CDH15: variants seen among roughly 807,000 people sequenced by gnomAD.
CDH15 encodes cadherin-15.
Under a neutral mutation model 69.4 loss-of-function variants are expected in CDH15, and 73 were observed. That is an observed-to-expected ratio of 1.05 (90% CI 0.87 to 1.28). The LOEUF (loss-of-function observed/expected upper bound fraction) is 1.28. Ranked by LOEUF, CDH15 falls within the 50% of genes most tolerant of loss-of-function variation. The probability of loss-of-function intolerance (pLI) is 0.00; values close to 1 mark genes in which losing one functional copy is unlikely to be tolerated. For missense variants in CDH15, 1,343 were observed against 1,133.6 expected, an observed-to-expected ratio of 1.18 and a Z score of -2.65; for synonymous variants, 624 against 507.7, an observed-to-expected ratio of 1.23 and a Z score of -3.08.
chr16:89,184,552 G>A (rs1164004179), intron 4 of CDH15, among the ~76,000 whole-genome samples: 4 of 152,346 alleles, frequency 2.6e-5, no homozygotes, highest in Middle Eastern at 3.4e-3. Flanking sequence ...GTCACAGTGC[G>A]CGTCCTCTGC....
At chr16:89,175,352 T>G (rs779517503) in intron 1 of CDH15, among the ~76,000 whole-genome samples, 15 of 152,342 alleles carry the variant, frequency 9.8e-5, no homozygotes, top group Non-Finnish European at 1.8e-4. Context: ...CCCTGCCCCA[T>G]GCCCATGCCT....
intron 1 of CDH15, among the ~76,000 whole-genome samples, chr16:89,175,752 C>G (rs1438847991): frequency 6.6e-6 from 1 of 152,206 alleles, no homozygotes; most frequent in African/African-American, 2.4e-5. Context: ...CATCTGTCAG[C>G]TGGCAGAGAG....
chr16:89,183,348 G>A (rs1915417136), intron 3 of CDH15, 200 bp from the exon 4 acceptor site: 11 of 611,142 alleles, frequency 1.8e-5, no homozygotes, highest in Non-Finnish European at 3.2e-5. Context: ...TGCCCTGTCT[G>A]CTAAGGGAAG....
At chr16:89,189,626 A>G (rs923425013) in intron 7 of CDH15, among the ~76,000 whole-genome samples, 2 of 152,218 alleles carry the variant, frequency 1.3e-5, no homozygotes, top group Non-Finnish European at 2.9e-5. Context: ...TCCTCCTTTC[A>G]TATGGAATCC....
chr16:89,189,503 G>T lies in CDH15; in HGVS notation c.979-740G>T, dbSNP rs576895886. ...TGTTCGTCCTTGGGTGAGAGAGAGT[G>T]GGGGAGGGCATGGAGCCCCCCAGCC... On this transcript the variant is annotated intron_variant, in intron 7 of 13. Transcript: ENST00000289746. Among the ~76,000 whole-genome samples the T allele has an allele frequency of 3.9e-5, 6 of 152,344 alleles. No individual in the cohort carries two copies. The East Asian group carries it at 7.7e-4, about 20-fold the overall frequency.
In CDH15 at chr16:89,191,649, C is replaced by G; in HGVS notation, c.1376-6C>G. On this transcript the variant is annotated splice_region_variant and splice_polypyrimidine_tract_variant and intron_variant, in intron 9 of 13. Transcript: ENST00000289746. ...GGTCACTAAGCCGCGGCCTCCTCGC[C>G]TGCAGCCTCCCAGCCCCGCACCGCC... The G allele has an allele frequency of 6.3e-7, 1 of 1,581,756 alleles. No individual in the cohort carries two copies. Among genetic ancestry groups the G allele is most frequent in the South Asian group, 1.1e-5 (1 of 88,752 alleles).
chr16:89,178,277 G>A (rs1176023222), intron 1 of CDH15, among the ~76,000 whole-genome samples: 3 of 152,078 alleles, frequency 2.0e-5, no homozygotes, highest in Non-Finnish European at 4.4e-5. Context: ...GAGTAGGGTG[G>A]GGTGCACAGC....
intron 3 of CDH15, among the ~76,000 whole-genome samples, chr16:89,181,680 C>T (rs58125965): frequency 0.014 from 2,113 of 151,960 alleles, 70 homozygotes; most frequent in East Asian, 0.13. Flanking sequence ...TGGCTCACGC[C>T]TGTAATCCCA....
At chr16:89,171,915 G>A in intron 1 of CDH15, 42 bp downstream of exon 1, 1 of 1,526,054 alleles carries the variant, frequency 6.6e-7, no homozygotes, top group Non-Finnish European at 8.8e-7. Context: ...TGCCTCCCTC[G>A]ACGCTGCGGG....
At position 89,179,539 on chromosome 16, in the gene CDH15, G is replaced by A. The variant is rs1225546069; in HGVS notation, c.166G>A (p.Glu56Lys). 3 of 1,610,196 alleles carry A rather than the reference G, an allele frequency of 1.9e-6. No homozygotes were observed. Among genetic ancestry groups the A allele is most frequent in the Non-Finnish European group, 2.5e-6 (3 of 1,177,884 alleles). Residue 56 changes from glutamate to lysine, a missense_variant, in exon 2 of 14, where the codon GAG becomes AAG. By Grantham distance (56) the Glu-to-Lys change is moderately conservative. Transcript: ENST00000289746. ...AWVIPPISVSENHKRLPYPLV... is the reference protein window; with the variant it reads ...AWVIPPISVSKNHKRLPYPLV... ...GGTCATCCCCCCGATCAGCGTATCCGAGAACCACAAGCGTCTCCCCTACCC... is the reference window on the plus strand; with the variant it reads ...GGTCATCCCCCCGATCAGCGTATCCAAGAACCACAAGCGTCTCCCCTACCC...
At chr16:89,177,187 G>A (rs1407690101) in intron 1 of CDH15, among the ~76,000 whole-genome samples, 2 of 152,050 alleles carry the variant, frequency 1.3e-5, no homozygotes, top group East Asian at 1.9e-4. Flanking sequence ...CCGGTGGGGG[G>A]CGGGAAGGGC....
At position 89,195,238 on chromosome 16, in the gene CDH15, C is replaced by G. The variant is rs759711205; in HGVS notation, c.*83C>G. On this transcript the variant is annotated 3_prime_UTR_variant, in exon 14 of 14. Transcript: ENST00000289746. ...AGAGGCAGCCTGAGGTCACCGGGCC[C>G]GACCCCCCTGGGCCTGGGGCAGCCT... 2.1e-6 allele frequency: 3 copies of G among 1,397,914 alleles called. No homozygotes were observed. The East Asian group carries it at 7.5e-5, about 35-fold the overall frequency. The allele number at this position is 1,397,914 out of a possible 1,614,324, so 86.6% of individuals were successfully genotyped here.
intron 3 of CDH15, 105 bp downstream of exon 3, chr16:89,180,460 GC>G: frequency 7.6e-7 from 1 of 1,307,518 alleles, no homozygotes; most frequent in Non-Finnish European, 1.1e-6. Flanking sequence ...TGGGCTTCAG[GC>G]CAGACTGCAA....
At chr16:89,177,729 C>A (rs950734744) in intron 1 of CDH15, among the ~76,000 whole-genome samples, 4 of 152,212 alleles carry the variant, frequency 2.6e-5, no homozygotes, top group Non-Finnish European at 5.9e-5. Flanking sequence ...ATCAGCCTGA[C>A]CGGGGAGCTC....
chr16:89,180,723 GT>G (rs1425364944), intron 3 of CDH15, among the ~76,000 whole-genome samples: 10 of 152,114 alleles, frequency 6.6e-5, no homozygotes, highest in Admixed American at 3.9e-4. Flanking sequence ...AAATAGTGTT[GT>G]TTTTGTTTTT....
rs553023012 is a variant in CDH15 at position 89,185,416 on chromosome 16, A to G, written c.663+83A>G. On this transcript the variant is annotated intron_variant, in intron 5 of 13. Coordinates refer to ENST00000289746, the MANE Select transcript of CDH15 (RefSeq NM_004933.3). The stretch of plus-strand genomic sequence containing the variant: ...GGGTCCCTCTGCCCCCAGCCTGCCC[A>G]CCCCAGACGCTCCTGTCCCTGCCGT... 176 of 1,437,744 alleles carry G rather than the reference A, an allele frequency of 1.2e-4. 2 individuals are homozygous for G. In the South Asian group the frequency reaches 2.1e-3, roughly 17 times the overall value. The allele number at this position is 1,437,744 out of a possible 1,614,324, so 89.1% of individuals were successfully genotyped here. A position where few individuals can be genotyped will look rare whatever the true frequency, so the allele number is the denominator to read the frequency against.
At chr16:89,175,009 C>A (rs184208326) in intron 1 of CDH15, among the ~76,000 whole-genome samples, 5 of 152,184 alleles carry the variant, frequency 3.3e-5, no homozygotes, top group Middle Eastern at 3.2e-3. Context: ...TTTGAGAACG[C>A]CCCCGAGAGC....
In CDH15 at chr16:89,188,120, G is replaced by A; in HGVS notation, c.813G>A (p.Glu271=). The A allele has an allele frequency of 6.2e-7, 1 of 1,612,494 alleles. No homozygotes were observed. The highest frequency in any genetic ancestry group is 1.1e-5 in the South Asian group (1 of 90,756). ...CCCAGTTCTTCATGGAGGCCATAGA[G>A]GCCGTCAGCGGAGTGGATGTGGGAC... ...TRDEFFMEAI[E]AVSGVDVGRL... is the part of the protein sequence containing the mutation. The change falls in exon 7 of 14, where the codon GAG becomes GAA. Residue 271 remains glutamate (E), a synonymous_variant. Coordinates refer to ENST00000289746, the MANE Select transcript of CDH15 (RefSeq NM_004933.3).
intron 11 of CDH15, 33 bp downstream of exon 11, chr16:89,192,477 C>T (rs1033056976): frequency 2.6e-6 from 4 of 1,555,988 alleles, no homozygotes; most frequent in Non-Finnish European, 2.6e-6. Flanking sequence ...CCTGGACCCT[C>T]GGACCCTCGG....
Sources: allele counts gnomAD v4.1 joint callset (sites outside exome capture counted in the v4.1 genomes callset), GRCh38; gene constraint gnomAD v4.1.1; transcripts MANE v1.5; gene names NCBI Gene and HGNC (gene_info 2026-07-23, HGNC 2026-07-21).